FHOD1: variants seen among roughly 807,000 people sequenced by gnomAD.
FHOD1 encodes formin homology 2 domain containing 1.
FHOD1 carries 89 observed loss-of-function variants against 111.6 expected under a neutral mutation model. The ratio of observed to expected loss-of-function variants is 0.80; its 90% CI spans 0.67 to 0.95. FHOD1 has a LOEUF of 0.95. Among genes scored for constraint, FHOD1 ranks in the 40% least tolerant of loss-of-function variants. The probability of loss-of-function intolerance (pLI) is 0.00; values close to 1 mark genes in which losing one functional copy is unlikely to be tolerated. For synonymous variants in FHOD1, 618 were observed against 639.0 expected, an observed-to-expected ratio of 0.97 and a Z score of 0.50; for missense variants, 1,446 against 1,554.2, an observed-to-expected ratio of 0.93 and a Z score of 1.17.
chr16:67,234,718 A>C (rs2034418649), intron 11 of FHOD1: 2 of 501,286 alleles, frequency 4.0e-6, no homozygotes, highest in Non-Finnish European at 3.6e-6. Context: ...GGATCTACTT[A>C]ACATCTAACT....
chr16:67,237,827 G>T lies in FHOD1; in HGVS notation c.643-59C>A. 1 of 1,512,558 alleles carries T rather than the reference G, an allele frequency of 6.6e-7. No individual in the cohort carries two copies. Among genetic ancestry groups the T allele is most frequent in the Non-Finnish European group, 9.2e-7 (1 of 1,088,796 alleles). The allele number at this position is 1,512,558 out of a possible 1,614,324, so 93.7% of individuals were successfully genotyped here. ...TTAGGCCAGACCTGTGCCAGCTGTT[G>T]CTGGGGAAGGGGAAGGGCTGCTGGG... On this transcript the variant is annotated intron_variant, in intron 6 of 21. Coordinates refer to ENST00000258201, the MANE Select transcript of FHOD1 (RefSeq NM_013241.3). The surrounding 1 kb of genome is among the most constrained non-coding windows in gnomAD (Gnocchi z 5.6).
intron 1 of FHOD1, among the ~76,000 whole-genome samples, chr16:67,240,790 T>C (rs2034642628): frequency 6.6e-6 from 1 of 152,260 alleles, no homozygotes; most frequent in Admixed American, 6.5e-5. Flanking sequence ...AGTGCAGATA[T>C]GCAGGTTCAG....
chr16:67,231,190 T>C lies in FHOD1; in HGVS notation c.2665A>G (p.Lys889Glu), dbSNP rs1329368084. ...SEIPALTRCA[K>E]VDFEQLTENL... Reference sequence around the variant, plus strand: ...GGTTGATTCTGGCAGGTGCTAACCTTGGCACAGCGGGTCAGGGCAGGGATT... The same window carrying C: ...GGTTGATTCTGGCAGGTGCTAACCTCGGCACAGCGGGTCAGGGCAGGGATT... Residue 889 changes from lysine to glutamate, a missense_variant and splice_region_variant, in exon 17 of 22, where the codon AAG becomes GAG. By Grantham distance (56) the Lys-to-Glu change is moderately conservative. This residue lies in a region of FHOD1 where 1,085 missense variants were observed against 1,108.8 expected (regional missense o/e 0.98). Transcript: ENST00000258201. This position sits in a 1 kb window ranked among gnomAD's most constrained non-coding sequence, Gnocchi z 4.3. 3.7e-6 allele frequency: 6 copies of C among 1,613,942 alleles called. No individual in the cohort carries two copies. The Admixed American group carries it at 1.0e-4, about 27-fold the overall frequency.
At chr16:67,242,002 T>C (rs1040871973) in intron 1 of FHOD1, among the ~76,000 whole-genome samples, 7 of 151,928 alleles carry the variant, frequency 4.6e-5, no homozygotes, top group Admixed American at 2.6e-4. Context: ...GGAGTCTTGC[T>C]CTGTCTCCCA....
chr16:67,241,294 G>T (rs1275475480), intron 1 of FHOD1, among the ~76,000 whole-genome samples: 1 of 152,156 alleles, frequency 6.6e-6, no homozygotes, highest in African/African-American at 2.4e-5. Flanking sequence ...GAACAGGCCT[G>T]AGAAGGGGCA....
intron 1 of FHOD1, among the ~76,000 whole-genome samples, chr16:67,241,432 C>T (rs1169881755): frequency 1.3e-5 from 2 of 152,186 alleles, no homozygotes; most frequent in African/African-American, 4.8e-5. Flanking sequence ...GGCACAGCCG[C>T]ATCTCCCTCC....
intron 1 of FHOD1, among the ~76,000 whole-genome samples, chr16:67,241,114 A>AC (rs1186229148): frequency 0.073 from 6,027 of 82,656 alleles, 241 homozygotes; most frequent in African/African-American, 0.18. Flanking sequence ...CCCTTGGATG[A>AC]CCCCCCCCCC....
Position 67,247,259 on chromosome 16 carries a change from A to C in FHOD1, c.152T>G (p.Leu51Trp). The change falls in exon 1 of 22, where the codon TTG becomes TGG. Residue 51 changes from leucine to tryptophan, a missense_variant. Leu to Trp is a moderately conservative substitution (Grantham distance 61). Transcript: ENST00000258201. ...PTCSLDGALPLGAQIPAVHRL... is the reference protein window; with the variant it reads ...PTCSLDGALPWGAQIPAVHRL... ...GTGCACCGCGGGTATCTGCGCGCCC[A>C]AGGGCAGCGCCCCGTCCAGGCTGCA... 6.2e-7 allele frequency: 1 copy of C among 1,610,362 alleles called. No individual in the cohort carries two copies. The highest frequency in any genetic ancestry group is 8.5e-7 in the Non-Finnish European group (1 of 1,178,798).
At chr16:67,235,721 C>A (rs1046457291) in intron 11 of FHOD1, among the ~76,000 whole-genome samples, 1 of 152,122 alleles carries the variant, frequency 6.6e-6, no homozygotes, top group African/African-American at 2.4e-5. Context: ...ACCCTAGGTC[C>A]CCTCCCTGCT....
At chr16:67,242,576 G>T (rs888224960) in intron 1 of FHOD1, among the ~76,000 whole-genome samples, 10 of 152,234 alleles carry the variant, frequency 6.6e-5, no homozygotes, top group African/African-American at 2.4e-4. Flanking sequence ...GGCTGGGCCA[G>T]GCCTGAATAA....
At position 67,229,811 on chromosome 16, in the gene FHOD1, G is replaced by A. The variant is rs775105803; in HGVS notation, c.3394C>T (p.Arg1132Cys). 5 of 1,614,210 alleles carry A rather than the reference G, an allele frequency of 3.1e-6. No individual in the cohort carries two copies. Among genetic ancestry groups the A allele is most frequent in the East Asian group, 2.2e-5 (1 of 44,886 alleles). Residue 1132 changes from arginine to cysteine, a missense_variant, in exon 21 of 22, where the codon CGC becomes TGC. Coordinates refer to ENST00000258201, the MANE Select transcript of FHOD1 (RefSeq NM_013241.3). ...ALAARERKRS[R>C]GNRKSLRRTL... The stretch of plus-strand genomic sequence containing the variant: ...TACTTACAAGACTTGCGGTTGCCGC[G>A]GGAACGCTTGCGTTCCCTAGCAGCT...
rs1170949707 is a variant in FHOD1, at chr16:67,237,381, G to A, written c.851C>T (p.Thr284Met). ...LVYTVTLINK[T>M]LAALPDQDSF... ...GTCCTGGTCCGGGAGCGCCGCCAGC[G>A]TCTGGAGGGCGGGGATAAGAAGGCA... The change falls in exon 9 of 22, where the codon ACG (threonine) becomes ATG (methionine). Residue 284 changes from threonine (T) to methionine (M), a missense_variant and splice_region_variant. Thr to Met is a moderately conservative substitution (Grantham distance 81). This residue lies in a region of FHOD1 where 234 missense variants were observed against 327.4 expected (regional missense o/e 0.71). Coordinates refer to ENST00000258201, the MANE Select transcript of FHOD1 (RefSeq NM_013241.3). The surrounding 1 kb of genome is among the most constrained non-coding windows in gnomAD (Gnocchi z 5.6). 6.2e-7 allele frequency: 1 copy of A among 1,613,782 alleles called. No individual in the cohort carries two copies. The highest frequency in any genetic ancestry group is 2.2e-5 in the East Asian group (1 of 44,860).
chr16:67,236,526 ACTCCAGGGTGGCCTCTGT>A lies in FHOD1; in HGVS notation c.1319+13_1319+30del, dbSNP rs1244856048. On this transcript the variant is annotated intron_variant, in intron 11 of 21. Coordinates refer to ENST00000258201, the MANE Select transcript of FHOD1 (RefSeq NM_013241.3). ...AAGCGGAGGGACAATGGGAGAGAGG[ACTCCAGGGTGGCCTCTGT>A]CTCCCTACTTACTTGTAGATGCTCC... is the stretch of plus-strand genomic sequence containing the variant. 6.2e-7 allele frequency: 1 copy of A among 1,603,234 alleles called. No homozygotes were observed. Among genetic ancestry groups the A allele is most frequent in the Non-Finnish European group, 8.5e-7 (1 of 1,174,690 alleles).
chr16:67,232,078 G>T lies in FHOD1; in HGVS notation c.2163C>A (p.Leu721=). The T allele has an allele frequency of 6.2e-7, 1 of 1,614,218 alleles. No individual in the cohort carries two copies. The highest frequency in any genetic ancestry group is 8.5e-7 in the Non-Finnish European group (1 of 1,180,046). ...PPVHVIKAAL[L]NFDEFAVSKD... is the part of the protein sequence containing the mutation. ...TGCTGACAGCAAACTCATCAAAGTT[G>T]AGCAGAGCAGCCTTAATGACATGCA... is the stretch of plus-strand genomic sequence containing the variant. The change falls in exon 14 of 22, where the codon CTC becomes CTA. Residue 721 remains leucine, a synonymous_variant. Coordinates refer to ENST00000258201, the MANE Select transcript of FHOD1 (RefSeq NM_013241.3).
intron 1 of FHOD1, among the ~76,000 whole-genome samples, chr16:67,245,931 G>A (rs1453362829): frequency 6.6e-6 from 1 of 152,212 alleles, no homozygotes; most frequent in Non-Finnish European, 1.5e-5. Context: ...TGAATGGGAG[G>A]TGGCCTCCAG....
At chr16:67,234,777 T>G (rs1026575371) in intron 11 of FHOD1, 1 of 352,182 alleles carries the variant, frequency 2.8e-6, no homozygotes, top group African/African-American at 2.1e-5. Flanking sequence ...GGTTGGTTTT[T>G]TTTTTAGAGA....
chr16:67,238,354 AC>A lies in FHOD1; in HGVS notation c.441+25del, dbSNP rs1373765102. 1.7e-5 allele frequency: 28 copies of A among 1,613,588 alleles called. No homozygotes were observed. Among genetic ancestry groups the A allele is most frequent in the Non-Finnish European group, 2.1e-5 (25 of 1,179,888 alleles). ...TTAGGGAAGCTTGGGCTACACACTTACCCCCAGCCCACTGCGGGGCCTCACC... is the reference window on the plus strand; with the variant it reads ...TTAGGGAAGCTTGGGCTACACACTTACCCCAGCCCACTGCGGGGCCTCACC... On this transcript the variant is annotated intron_variant, in intron 4 of 21. Transcript: ENST00000258201. The surrounding 1 kb of genome is among the most constrained non-coding windows in gnomAD (Gnocchi z 4.2).
Position 67,230,742 on chromosome 16 carries a change from C to T in FHOD1, c.2717G>A (p.Ser906Asn). 2 of 1,609,630 alleles carry T rather than the reference C, an allele frequency of 1.2e-6. No homozygotes were observed. Among genetic ancestry groups the T allele is most frequent in the Middle Eastern group, 1.8e-4 (1 of 5,706 alleles). Residue 906 changes from serine to asparagine, a missense_variant, in exon 18 of 22, where the codon AGC (serine) becomes AAC (asparagine). By Grantham distance (46) the Ser-to-Asn change is conservative (BLOSUM62 1). Transcript: ENST00000258201. ...TENLGQLERR[S>N]RAAEESLRSL... is the part of the protein sequence containing the mutation. ...CCGCAGGCTCTCCTCGGCTGCCCGG[C>T]TCCGGCGCTCCAGCTGCCCCAGGTT...
chr16:67,236,826 T>A, intron 10 of FHOD1, 93 bp from the exon 11 acceptor site: 1 of 1,154,436 alleles, frequency 8.7e-7, no homozygotes, highest in Non-Finnish European at 1.1e-6. Flanking sequence ...AGGTGGGGCA[T>A]GTCGGTAGGG....
Sources: allele counts gnomAD v4.1 joint callset (sites outside exome capture counted in the v4.1 genomes callset), GRCh38; gene constraint gnomAD v4.1.1; regional missense constraint gnomAD v4.1.1; non-coding constraint Gnocchi (gnomAD v3.1); transcripts MANE v1.5; gene names NCBI Gene and HGNC (gene_info 2026-07-23, HGNC 2026-07-21).